TMEM235: variants seen among roughly 807,000 people sequenced by gnomAD.
The protein encoded by TMEM235 is transmembrane protein 235, also known as claudin-27.
A neutral mutation model predicts 22.9 loss-of-function variants in TMEM235; 23 were observed. The ratio of observed to expected loss-of-function variants is 1.00; its 90% CI spans 0.72 to 1.42. TMEM235 has a LOEUF of 1.42. Ranked by LOEUF, TMEM235 falls within the 40% of genes most tolerant of loss-of-function variation. TMEM235 has a pLI of 0.00. For synonymous variants in TMEM235, 137 were observed against 140.5 expected (o/e 0.98, Z 0.17); for missense variants, 308 against 299.5 (o/e 1.03, Z -0.21).
chr17:78,234,900 C>G lies in TMEM235; in HGVS notation c.409+170C>G, dbSNP rs8064778. On this transcript the variant is annotated intron_variant, in intron 4 of 5. Transcript: ENST00000421688. ...AGCTCCCTGTGGTTCCAGAAGGTAC[C>G]CATGTATATTTGTTCTCACGTTGCT... is the stretch of plus-strand genomic sequence containing the variant. Among the ~76,000 whole-genome samples the G allele has an allele frequency of 0.34, 51,589 of 152,120 alleles. 9,915 individuals carry two copies. The highest frequency in any genetic ancestry group is 0.59 in the East Asian group (3,028 of 5,160).
exon 2 of TMEM235, chr17:78,232,155 C>T: frequency 6.7e-7 from 1 of 1,488,728 alleles, no homozygotes; most frequent in Non-Finnish European, 8.9e-7. Flanking sequence ...ATGGCAGCGC[C>T]TGGCCCGGGC....
exon 2 of TMEM235, chr17:78,232,003 C>T (rs1340547818): frequency 3.2e-5 from 39 of 1,235,198 alleles, no homozygotes; most frequent in Non-Finnish European, 3.5e-5. Flanking sequence ...CCCGACCCGT[C>T]CCCTCCCGCC....
intron 2 of TMEM235, among the ~76,000 whole-genome samples, chr17:78,233,312 C>A (rs573389619): frequency 6.6e-6 from 1 of 152,234 alleles, no homozygotes; most frequent in Non-Finnish European, 1.5e-5. Flanking sequence ...CACACACAAA[C>A]GCATTACAAG....
rs962965576 is a variant in TMEM235, at chr17:78,238,017, G to A, written c.410-1007G>A. ...TTCTTTTGGCTGGGCAGTGCCCAGA[G>A]GGGACCCTGTGCACCCAGGAAGTGC... is the stretch of plus-strand genomic sequence containing the variant. On this transcript the variant is annotated intron_variant, in intron 4 of 5. Transcript: ENST00000421688. The surrounding 1 kb of genome is among the most constrained non-coding windows in gnomAD (Gnocchi z 4.3). Among the ~76,000 whole-genome samples the A allele has an allele frequency of 1.3e-5, 2 of 152,130 alleles. No homozygotes were observed. Among genetic ancestry groups the A allele is most frequent in the African/African-American group, 4.8e-5 (2 of 41,394 alleles).
chr17:78,236,229 C>A (rs2145921663), intron 4 of TMEM235, among the ~76,000 whole-genome samples: 1 of 152,320 alleles, frequency 6.6e-6, no homozygotes, highest in Admixed American at 6.5e-5. Flanking sequence ...TGGGTCAGAT[C>A]ATGCGGGGGG....
exon 6 of TMEM235, chr17:78,240,831 G>T (rs775578321): frequency 1.3e-5 from 2 of 152,284 alleles, no homozygotes; most frequent in Non-Finnish European, 2.9e-5. Flanking sequence ...GTGTTTGAAC[G>T]TTTACCATTC....
In TMEM235 at chr17:78,236,806, G is replaced by A. The variant is rs112035502; in HGVS notation, c.409+2076G>A. Among the ~76,000 whole-genome samples the A allele has an allele frequency of 3.3e-4, 51 of 152,332 alleles. 2 individuals carry two copies. Among genetic ancestry groups the A allele is most frequent in the Non-Finnish European group, 6.5e-4 (44 of 68,026 alleles). ...GAGGCCTCTGTCACTGAGGAGGCCC[G>A]ACTGGGTGCAGAGATTGGGGAAACC... On this transcript the variant is annotated intron_variant, in intron 4 of 5. Coordinates refer to ENST00000421688, the Ensembl canonical transcript of TMEM235.
chr17:78,231,415 G>T, intron 1 of TMEM235: 2 of 1,291,718 alleles, frequency 1.5e-6, no homozygotes, highest in South Asian at 1.2e-5. Context: ...CCAAAACAAG[G>T]TTTTTTCCTT....
rs1033817229 is a variant in TMEM235, at chr17:78,232,117, T to C, written c.94T>C (p.Tyr32His). ...CGCCGCGGTCGCCAGCGACTACTGG[T>C]ACATCCTGGAGGTGGCGGACGCCGG... The change falls in exon 2 of 6, where the codon TAC becomes CAC. Residue 32 changes from tyrosine (Y) to histidine (H), a missense_variant. This residue lies in a region of TMEM235 where 285 missense variants were observed against 256.2 expected (regional missense o/e 1.11). Transcript: ENST00000421688. The C allele has an allele frequency of 5.4e-6, 8 of 1,482,894 alleles. No individual in the cohort carries two copies. In the African/African-American group the frequency reaches 1.2e-4, roughly 22 times the overall value. 91.9% of individuals were successfully genotyped at this position (1,482,894 alleles called of 1,614,324 possible).
rs1309034172 is a variant in TMEM235, at chr17:78,232,241, C to T, written c.190+28C>T. On this transcript the variant is annotated intron_variant, in intron 2 of 5. Transcript: ENST00000421688. Reference sequence around the variant, plus strand: ...AACCGGCCACCGCGCCGGCCCTCCTCCCTCCGCGACCTCGTCCCTCCGACA... The same window carrying T: ...AACCGGCCACCGCGCCGGCCCTCCTTCCTCCGCGACCTCGTCCCTCCGACA... The T allele has an allele frequency of 6.3e-6, 9 of 1,423,560 alleles. No homozygotes were observed. The South Asian group carries it at 8.7e-5, about 14-fold the overall frequency. The allele number at this position is 1,423,560 out of a possible 1,614,324, so 88.2% of individuals were successfully genotyped here.
upstream of TMEM235, chr17:78,231,297 GCAC>G: frequency 1.1e-6 from 1 of 871,148 alleles, no homozygotes; most frequent in South Asian, 1.7e-5. Context: ...ACCCCCACTG[GCAC>G]CCCACGCCTG....
rs147694974 is a variant in TMEM235, at chr17:78,234,554, C to A, written c.272-39C>A. On this transcript the variant is annotated intron_variant, in intron 3 of 5. Transcript: ENST00000421688. ...CGGCAGACAAGTGCTGAAGGGCCCA[C>A]CTGGACCAGAATTCTCACCTGAGCC... 2,927 of 1,534,330 alleles carry A rather than the reference C, an allele frequency of 1.9e-3. 59 individuals carry two copies. In the African/African-American group the frequency reaches 0.036, roughly 19 times the overall value.
exon 2 of TMEM235, chr17:78,231,952 C>G (rs1001365138): frequency 9.5e-7 from 1 of 1,057,722 alleles, no homozygotes; most frequent in African/African-American, 1.7e-5. Flanking sequence ...CCCCGGCTCC[C>G]GGCTCCGCGC....
chr17:78,233,815 A>AG (rs2076611134), intron 2 of TMEM235, 80 bp from the exon 2 acceptor site: 1 of 1,336,988 alleles, frequency 7.5e-7, no homozygotes, highest in Non-Finnish European at 1.0e-6. Context: ...CTGTGGTGCC[A>AG]GGGGGTCCCC....
rs373283719 is a variant in TMEM235, at chr17:78,234,592, G to A, written c.272-1G>A. 2.3e-5 allele frequency: 36 copies of A among 1,536,238 alleles called. 2 individuals carry two copies. In the African/African-American group the frequency reaches 4.0e-4, roughly 17 times the overall value. ...TCTCACCTGAGCCCCCTTTCCTGCAGTGCTGCACCGTGCAGTCATTGTGGT... is the reference window on the plus strand; with the variant it reads ...TCTCACCTGAGCCCCCTTTCCTGCAATGCTGCACCGTGCAGTCATTGTGGT... On this transcript the variant is annotated splice_acceptor_variant, in intron 3 of 5. Transcript: ENST00000421688. LOFTEE classifies it high-confidence loss of function.
chr17:78,233,773 TG>T (rs1380554149), intron 2 of TMEM235, 121 bp from the exon 2 acceptor site: 2 of 744,558 alleles, frequency 2.7e-6, no homozygotes, highest in East Asian at 2.8e-5. Flanking sequence ...GTCCCAGCCC[TG>T]AGTTTCAGCA....
chr17:78,231,504 C>T, exon 2 of TMEM235: 1 of 1,304,248 alleles, frequency 7.7e-7, no homozygotes, highest in African/African-American at 1.5e-5. Context: ...AGGACTGATA[C>T]AGACCAGGAC....
At chr17:78,236,175 G>T (rs535944434) in intron 4 of TMEM235, among the ~76,000 whole-genome samples, 1 of 152,306 alleles carries the variant, frequency 6.6e-6, no homozygotes, top group African/African-American at 2.4e-5. Context: ...TTCTTGGTGC[G>T]GGGGGCATGA....
exon 3 of TMEM235, chr17:78,233,925 C>G (rs938015343): frequency 6.5e-7 from 1 of 1,535,780 alleles, no homozygotes; most frequent in Non-Finnish European, 8.7e-7. Context: ...CTGGTCGACC[C>G]TTTTGCCAGT....
Sources: gnomAD v4.1 joint callset for allele counts (sites outside exome capture counted in the v4.1 genomes callset) on GRCh38, gnomAD v4.1.1 for gene constraint, gnomAD v4.1.1 regional missense constraint, Gnocchi (gnomAD v3.1) non-coding constraint, MANE v1.5 for transcripts, NCBI Gene and HGNC (gene_info 2026-07-23, HGNC 2026-07-21) for gene names.